Variants in GPI observed in about 807,000 individuals in gnomAD.
GPI encodes D-hexose-6-phosphate anomerase.
GPI carries 56 observed loss-of-function variants against 75.8 expected under a neutral mutation model. The ratio of observed to expected loss-of-function variants is 0.74; its 90% CI spans 0.60 to 0.92. GPI has a LOEUF of 0.92. Among genes scored for constraint, GPI ranks in the 40% least tolerant of loss-of-function variants. The pLI is 0.00. For synonymous variants in GPI, 288 were observed against 285.4 expected, an observed-to-expected ratio of 1.01 and a Z score of -0.09; for missense variants, 638 against 741.0, an observed-to-expected ratio of 0.86 and a Z score of 1.61.
chr19:34,385,335 G>A (rs1475780770), intron 9 of GPI, among the ~76,000 whole-genome samples: 5 of 149,388 alleles, frequency 3.3e-5, no homozygotes, highest in African/African-American at 1.2e-4. Flanking sequence ...GGCAACAAGA[G>A]TGAAACTTTG....
At chr19:34,376,814 G>A (rs1302664915) in intron 4 of GPI, among the ~76,000 whole-genome samples, 1 of 152,028 alleles carries the variant, frequency 6.6e-6, no homozygotes. Flanking sequence ...TTGGGAGGCC[G>A]AGCTGGGCAG....
At position 34,366,117 on chromosome 19, in the gene GPI, T is replaced by A. The variant is rs1408562906; in HGVS notation, c.123-228T>A. On this transcript the variant is annotated intron_variant, in intron 1 of 17. Transcript: ENST00000356487. ...TTCAGTCCGGGCTCCTCATCCAGGG[T>A]CTGCCTGCATCTACGGTCTGTGAGG... The A allele has an allele frequency of 8.6e-6, 6 of 693,998 alleles. No homozygotes were observed. In the Admixed American group the frequency reaches 1.2e-4, roughly 14 times the overall value. 43.0% of individuals were successfully genotyped at this position (693,998 alleles called of 1,614,324 possible).
intron 12 of GPI, among the ~76,000 whole-genome samples, chr19:34,394,546 T>C (rs1265520320): frequency 3.3e-4 from 2 of 5,972 alleles, no homozygotes; most frequent in Non-Finnish European, 7.8e-4. Context: ...GAATCCCTTA[T>C]AGCCTGCACT....
At chr19:34,376,091 CTAGT>C (rs1426826324) in intron 4 of GPI, among the ~76,000 whole-genome samples, 5 of 152,202 alleles carry the variant, frequency 3.3e-5, no homozygotes, top group Non-Finnish European at 5.9e-5. Context: ...AGGAAAGAGT[CTAGT>C]TGGTGGTGAG....
intron 9 of GPI, 139 bp downstream of exon 9, chr19:34,381,658 A>T (rs540738043): frequency 1.2e-5 from 9 of 774,126 alleles, no homozygotes; most frequent in South Asian, 1.1e-4. Flanking sequence ...AGAGGCCCTC[A>T]GAGAGGCTTG....
chr19:34,365,846 G>A (rs1166367937), intron 1 of GPI: 2 of 470,854 alleles, frequency 4.2e-6, no homozygotes, highest in African/African-American at 2.0e-5. Flanking sequence ...TGGAAGGATG[G>A]AGACGTCGGG....
intron 4 of GPI, among the ~76,000 whole-genome samples, chr19:34,370,584 G>A (rs2074436586): frequency 2.6e-5 from 4 of 152,080 alleles, no homozygotes; most frequent in South Asian, 2.1e-4. Flanking sequence ...ACCTGGGCGG[G>A]CATGGTGGCG....
chr19:34,399,098 G>C, intron 14 of GPI, 109 bp from the exon 15 acceptor site: 1 of 1,017,102 alleles, frequency 9.8e-7, no homozygotes, highest in East Asian at 2.5e-5. Flanking sequence ...GCTGTACAGC[G>C]AGTGACCCAG....
intron 8 of GPI, chr19:34,379,889 G>A: frequency 2.0e-6 from 1 of 500,964 alleles, no homozygotes; most frequent in South Asian, 2.2e-5. Context: ...AATGTGACAT[G>A]CTAGGTAGGG....
Position 34,399,723 on chromosome 19 carries a change from G to A in GPI, c.1479G>A (p.Met493Ile), listed in dbSNP as rs762411919. 58 of 1,614,016 alleles carry A rather than the reference G, an allele frequency of 3.6e-5. No individual in the cohort carries two copies. The highest frequency in any genetic ancestry group is 1.6e-4 in the African/African-American group (12 of 74,914). ...CCCTGTCTGTCACTTCTGCAGCCAT[G>A]TATGAGCACAAGATCTTCGTTCAGG... The part of the protein sequence containing the change: ...TPFMLGALVA[M>I]YEHKIFVQGI... Residue 493 changes from methionine (M) to isoleucine (I), a missense_variant, in exon 17 of 18, where the codon ATG (methionine) becomes ATA (isoleucine). By Grantham distance (10) the Met-to-Ile change is conservative (BLOSUM62 1). Coordinates refer to ENST00000356487, the MANE Select transcript of GPI (RefSeq NM_000175.5).
intron 4 of GPI, among the ~76,000 whole-genome samples, chr19:34,376,580 A>T (rs2074539869): frequency 6.6e-6 from 1 of 150,440 alleles, no homozygotes; most frequent in Non-Finnish European, 1.5e-5. Context: ...AAAAAAAAAA[A>T]GGCTAAAGCA....
At chr19:34,361,399 A>T (rs1284064023), upstream of GPI, among the ~76,000 whole-genome samples, 2 of 152,050 alleles carry the variant, frequency 1.3e-5, no homozygotes, top group Non-Finnish European at 2.9e-5. Flanking sequence ...GCCTCATTTC[A>T]CATTTCTTAA....
chr19:34,390,807 C>T (rs1265556048), intron 9 of GPI, among the ~76,000 whole-genome samples: 10 of 142,272 alleles, frequency 7.0e-5, no homozygotes, highest in South Asian at 2.3e-4. Context: ...GCACCTGGCA[C>T]AGGTATGAGA....
At chr19:34,396,858 T>G (rs1420906390) in intron 14 of GPI, among the ~76,000 whole-genome samples, 1 of 152,240 alleles carries the variant, frequency 6.6e-6, no homozygotes, top group Non-Finnish European at 1.5e-5. Context: ...TCGCCCAGGC[T>G]GGAGTGCAGT....
chr19:34,396,673 T>G lies in GPI; in HGVS notation c.1269+16T>G. ...GCATCACAAGGTAAGAGCCCCCATC[T>G]GGCCCCATCTGGGGGGTCTGGCTCA... is the stretch of plus-strand genomic sequence containing the variant. On this transcript the variant is annotated intron_variant, in intron 14 of 17. Transcript: ENST00000356487. 1 of 1,608,970 alleles carries G rather than the reference T, an allele frequency of 6.2e-7. No homozygotes were observed. Among genetic ancestry groups the G allele is most frequent in the South Asian group, 1.1e-5 (1 of 90,828 alleles).
At chr19:34,368,560 T>C (rs2074401297) in intron 3 of GPI, 23 bp from the exon 4 acceptor site, 1 of 1,613,950 alleles carries the variant, frequency 6.2e-7, no homozygotes. Flanking sequence ...GGGCAGTCTT[T>C]ATATCCTGAC....
intron 4 of GPI, among the ~76,000 whole-genome samples, chr19:34,371,126 C>T (rs981615222): frequency 6.6e-6 from 1 of 152,236 alleles, no homozygotes; most frequent in African/African-American, 2.4e-5. Flanking sequence ...GGCACTGCAC[C>T]GTCTGGGGTG....
intron 9 of GPI, among the ~76,000 whole-genome samples, chr19:34,389,813 A>C (rs1454954823): frequency 6.6e-6 from 1 of 152,152 alleles, no homozygotes; most frequent in Non-Finnish European, 1.5e-5. Context: ...CTTGTTTCTC[A>C]GTTTCACATT....
At position 34,371,913 on chromosome 19, in the gene GPI, T is replaced by G. The variant is rs375291592; in HGVS notation, c.402+3211T>G. ...GGGATGCTTCATTATAACAAACCTT[T>G]GACAGTCGGGAAAGGAGACTTGCTT... On this transcript the variant is annotated intron_variant, in intron 4 of 17. Coordinates refer to ENST00000356487, the MANE Select transcript of GPI (RefSeq NM_000175.5). Among the ~76,000 whole-genome samples, 578 of 151,432 alleles carry G rather than the reference T, an allele frequency of 3.8e-3. 3 individuals are homozygous for G. Among genetic ancestry groups the G allele is most frequent in the African/African-American group, 0.013 (548 of 41,314 alleles).
Sources: allele counts gnomAD v4.1 joint callset (sites outside exome capture counted in the v4.1 genomes callset), GRCh38; gene constraint gnomAD v4.1.1; transcripts MANE v1.5; gene names NCBI Gene and HGNC (gene_info 2026-07-23, HGNC 2026-07-21).